The following MVB12B variants were observed in gnomAD, a reference collection of about 807,000 sequenced individuals.
MVB12B encodes the protein ESCRT-I complex subunit MVB12B.
MVB12B carries 16 observed loss-of-function variants against 41.6 expected under a neutral mutation model. That is an observed-to-expected ratio of 0.38 (90% CI 0.26 to 0.58). The LOEUF (loss-of-function observed/expected upper bound fraction) is 0.58, where lower values mean the gene tolerates loss of function less well. MVB12B is among the 20% of genes least tolerant of loss of function. MVB12B has a pLI of 0.62. For synonymous variants in MVB12B, 133 were observed against 139.7 expected (o/e 0.95, Z 0.34); for missense variants, 274 against 380.2 (o/e 0.72, Z 2.32).
intron 1 of MVB12B, among the ~76,000 whole-genome samples, chr9:126,334,414 C>T (rs1214009995): frequency 6.6e-6 from 1 of 152,206 alleles, no homozygotes; most frequent in Non-Finnish European, 1.5e-5. Flanking sequence ...ATTCTCAAGA[C>T]CCATGTGAAA....
chr9:126,502,432 G>A (rs1200895457), intron 9 of MVB12B, among the ~76,000 whole-genome samples: 1 of 152,178 alleles, frequency 6.6e-6, no homozygotes, highest in Non-Finnish European at 1.5e-5. Context: ...GACTTGGAAC[G>A]CGATTTAGTG....
At chr9:126,425,834 C>T (rs1054407413) in intron 7 of MVB12B, among the ~76,000 whole-genome samples, 1 of 152,148 alleles carries the variant, frequency 6.6e-6, no homozygotes, top group African/African-American at 2.4e-5. Flanking sequence ...ATGGTTTTCC[C>T]TAAAAGGATA....
intron 6 of MVB12B, among the ~76,000 whole-genome samples, chr9:126,406,576 T>G (rs2119040084): frequency 6.6e-6 from 1 of 152,358 alleles, no homozygotes; most frequent in African/African-American, 2.4e-5. Context: ...GCCCATATGT[T>G]CCTTGTTTTT....
At chr9:126,390,393 T>C (rs987750235) in intron 4 of MVB12B, among the ~76,000 whole-genome samples, 1 of 152,210 alleles carries the variant, frequency 6.6e-6, no homozygotes, top group Non-Finnish European at 1.5e-5. Flanking sequence ...CCAGGAAATG[T>C]TGGTGTTGGG....
At chr9:126,363,673 CAGTA>C (rs1347018167) in intron 2 of MVB12B, among the ~76,000 whole-genome samples, 1 of 152,164 alleles carries the variant, frequency 6.6e-6, no homozygotes, top group Non-Finnish European at 1.5e-5. Flanking sequence ...ACCTAGCACT[CAGTA>C]AGTGTTTATG....
At position 126,402,986 on chromosome 9, in the gene MVB12B, C is replaced by T. The variant is rs560599916; in HGVS notation, c.662+7289C>T. On this transcript the variant is annotated intron_variant, in intron 6 of 9. Transcript: ENST00000361171. ...CCAGCAGCCAGCCCTGTCTCAGAGA[C>T]GAGCCCTCTGGAGGGGTCGAACCTG... Among the ~76,000 whole-genome samples, 8 of 152,328 alleles carry T rather than the reference C, an allele frequency of 5.3e-5. No homozygotes were observed. In the South Asian group the frequency reaches 8.3e-4, roughly 16 times the overall value.
chr9:126,359,299 AT>A (rs138065560), intron 2 of MVB12B, among the ~76,000 whole-genome samples: 361 of 152,262 alleles, frequency 2.4e-3, no homozygotes, highest in African/African-American at 8.4e-3. Flanking sequence ...ATATTGTTAG[AT>A]TCAATTTTCT....
chr9:126,461,295 T>C (rs1833083866), intron 7 of MVB12B, among the ~76,000 whole-genome samples: 1 of 152,210 alleles, frequency 6.6e-6, no homozygotes, highest in African/African-American at 2.4e-5. Context: ...TGTCTTTGAA[T>C]CACGCTGCTG....
In MVB12B at chr9:126,495,191, C is replaced by CAAAA. The variant is rs5900709; in HGVS notation, c.874-7973_874-7970dup. Among the ~76,000 whole-genome samples, 89 of 131,904 alleles carry CAAAA rather than the reference C, an allele frequency of 6.7e-4. 1 individual carries two copies. In the Middle Eastern group the frequency reaches 0.011, roughly 17 times the overall value. The allele number at this position is 131,904 out of a possible 152,430, so 86.5% of individuals were successfully genotyped here. ...TGGGTAACAGAGTGAGATCCTGTCT[C>CAAAA]AAAAAAAAAAAAAAAATGAGAGAGA... On this transcript the variant is annotated intron_variant, in intron 9 of 9. Transcript: ENST00000361171.
At chr9:126,441,562 G>A (rs1028831632) in intron 7 of MVB12B, among the ~76,000 whole-genome samples, 3 of 152,150 alleles carry the variant, frequency 2.0e-5, no homozygotes, top group Admixed American at 6.5e-5. Context: ...TGGGGCTATC[G>A]TTTCTTAACC....
At chr9:126,382,345 T>TA (rs1830661721) in intron 3 of MVB12B, among the ~76,000 whole-genome samples, 1 of 152,214 alleles carries the variant, frequency 6.6e-6, no homozygotes, top group African/African-American at 2.4e-5. Context: ...ATTCTGAACA[T>TA]ATACAGGACT....
chr9:126,421,902 C>T lies in MVB12B; in HGVS notation c.711C>T (p.Thr237=). Residue 237 remains threonine (T), a synonymous_variant, in exon 7 of 10, where the codon ACC becomes ACT. Coordinates refer to ENST00000361171, the MANE Select transcript of MVB12B (RefSeq NM_033446.3). ...LPATFRGRNS[T]RTDYEYQHSN... ...CCACCTTCCGAGGCAGGAACAGCAC[C>T]CGGACGGACTACGAGTACCAGCACT... 1 of 1,614,072 alleles carries T rather than the reference C, an allele frequency of 6.2e-7. No homozygotes were observed. Among genetic ancestry groups the T allele is most frequent in the Non-Finnish European group, 8.5e-7 (1 of 1,180,002 alleles).
chr9:126,364,862 C>G (rs1564290871), intron 2 of MVB12B, among the ~76,000 whole-genome samples: 2 of 151,890 alleles, frequency 1.3e-5, no homozygotes, highest in Non-Finnish European at 2.9e-5. Context: ...CGCCATTCTC[C>G]TGCCTCAGCC....
Position 126,363,928 on chromosome 9 carries a change from C to T in MVB12B, c.205-17136C>T, listed in dbSNP as rs550046230. On this transcript the variant is annotated intron_variant, in intron 2 of 9. Coordinates refer to ENST00000361171, the MANE Select transcript of MVB12B (RefSeq NM_033446.3). Reference sequence around the variant, plus strand: ...CCACTCTTTAATTACAGTTTAATTACAGTTACCACTCTTTAATTACTTCTC... The same window carrying T: ...CCACTCTTTAATTACAGTTTAATTATAGTTACCACTCTTTAATTACTTCTC... 5.9e-5 allele frequency among the ~76,000 whole-genome samples: 9 copies of T among 152,306 alleles called. No homozygotes were observed. In the South Asian group the frequency reaches 1.0e-3, roughly 18 times the overall value.
chr9:126,350,638 A>G (rs1829719976), intron 2 of MVB12B, among the ~76,000 whole-genome samples: 1 of 152,176 alleles, frequency 6.6e-6, no homozygotes. Flanking sequence ...ATGCTAGCTC[A>G]GATCTCTTCC....
intron 7 of MVB12B, among the ~76,000 whole-genome samples, chr9:126,474,523 A>G (rs1453268690): frequency 6.6e-6 from 1 of 152,196 alleles, no homozygotes; most frequent in Non-Finnish European, 1.5e-5. Flanking sequence ...CAGAATTAAG[A>G]GGGGATTTAG....
chr9:126,430,324 G>T (rs577043705), intron 7 of MVB12B, among the ~76,000 whole-genome samples: 202 of 151,898 alleles, frequency 1.3e-3, no homozygotes, highest in African/African-American at 4.8e-3. Context: ...CGTCCTCCTT[G>T]CCTTTGTCTT....
At chr9:126,390,966 AAAAG>A (rs996219206) in intron 4 of MVB12B, among the ~76,000 whole-genome samples, 1 of 152,046 alleles carries the variant, frequency 6.6e-6, no homozygotes, top group Non-Finnish European at 1.5e-5. Context: ...AAAAAAAAAA[AAAAG>A]AGCAGAAGGA....
At chr9:126,430,350 C>T (rs1424286015) in intron 7 of MVB12B, among the ~76,000 whole-genome samples, 2 of 152,224 alleles carry the variant, frequency 1.3e-5, no homozygotes, top group East Asian at 1.9e-4. Context: ...ATGCTTGCCC[C>T]GCCACTCCAG....
Sources: allele counts gnomAD v4.1 joint callset (sites outside exome capture counted in the v4.1 genomes callset), GRCh38; gene constraint gnomAD v4.1.1; transcripts MANE v1.5; gene names NCBI Gene and HGNC (gene_info 2026-07-23, HGNC 2026-07-21).